Variants in CADM2 observed in about 807,000 individuals in gnomAD.
The protein encoded by CADM2 is immunoglobulin superfamily member 4D.
A neutral mutation model predicts 49.8 loss-of-function variants in CADM2; 12 were observed. That is an observed-to-expected ratio of 0.24 (90% confidence interval 0.15 to 0.39). The LOEUF (loss-of-function observed/expected upper bound fraction) is 0.39. Ranked by LOEUF, CADM2 falls within the 10% of genes least tolerant of loss-of-function variation. The pLI is 1.00. For synonymous variants in CADM2, 214 were observed against 175.4 expected (o/e 1.22, Z -1.74); for missense variants, 378 against 492.3 (o/e 0.77, Z 2.20).
chr3:85,204,582 T>C (rs1317599181), intron 1 of CADM2, among the ~76,000 whole-genome samples: 2 of 152,198 alleles, frequency 1.3e-5, no homozygotes, highest in African/African-American at 4.8e-5. Context: ...TAATGTAATA[T>C]TTTTAAAATC....
chr3:85,400,810 T>A (rs2035068890), intron 1 of CADM2, among the ~76,000 whole-genome samples: 1 of 152,070 alleles, frequency 6.6e-6, no homozygotes, highest in Admixed American at 6.6e-5. Flanking sequence ...GAGCAGTGAG[T>A]CCTTAATGCT....
chr3:85,859,117 C>T (rs1303750160), intron 3 of CADM2, among the ~76,000 whole-genome samples: 1 of 151,396 alleles, frequency 6.6e-6, no homozygotes, highest in Non-Finnish European at 1.5e-5. Context: ...ACGTTATTCA[C>T]AACCCATTAC....
At chr3:85,230,347 T>G (rs2042258680) in intron 1 of CADM2, among the ~76,000 whole-genome samples, 1 of 152,214 alleles carries the variant, frequency 6.6e-6, no homozygotes, top group Admixed American at 6.5e-5. Context: ...TGACACTGTC[T>G]CAGATTATCT....
rs544008501 is a variant in CADM2 at position 85,530,217 on chromosome 3, A to C, written c.62-196305A>C. On this transcript the variant is annotated intron_variant, in intron 1 of 9. Transcript: ENST00000383699. The stretch of plus-strand genomic sequence containing the variant: ...TGCTTGCTCTGAAATACCTGCCGCC[A>C]CATAAGACATGTCTCTTCCTCTACC... 2.0e-5 allele frequency among the ~76,000 whole-genome samples: 3 copies of C among 151,746 alleles called. No homozygotes were observed. In the East Asian group the frequency reaches 5.8e-4, roughly 29 times the overall value.
At chr3:85,545,641 T>C (rs2061652117) in intron 1 of CADM2, among the ~76,000 whole-genome samples, 2 of 152,180 alleles carry the variant, frequency 1.3e-5, no homozygotes, top group African/African-American at 4.8e-5. Flanking sequence ...CTATGAGGTC[T>C]TTTTTCACAT....
At chr3:85,662,551 A>C (rs1403198247) in intron 1 of CADM2, among the ~76,000 whole-genome samples, 1 of 152,012 alleles carries the variant, frequency 6.6e-6, no homozygotes, top group Non-Finnish European at 1.5e-5. Context: ...TTTCCCATGT[A>C]ATCACTCTAC....
At chr3:86,023,861 G>A (rs914003054) in intron 8 of CADM2, among the ~76,000 whole-genome samples, 1 of 152,072 alleles carries the variant, frequency 6.6e-6, no homozygotes, top group African/African-American at 2.4e-5. Flanking sequence ...CTCTGACATG[G>A]ATCAGTATTA....
chr3:85,930,585 C>G (rs1196843525), intron 6 of CADM2, among the ~76,000 whole-genome samples: 1 of 152,026 alleles, frequency 6.6e-6, no homozygotes, highest in African/African-American at 2.4e-5. Context: ...CTTAACCATT[C>G]CTACCTCCCT....
intron 1 of CADM2, among the ~76,000 whole-genome samples, chr3:85,453,985 T>G (rs2037871888): frequency 6.6e-6 from 1 of 152,052 alleles, no homozygotes; most frequent in Non-Finnish European, 1.5e-5. Context: ...ATTAAACATT[T>G]GGGAAAAAAG....
chr3:85,267,399 C>G (rs1002231553), intron 1 of CADM2, among the ~76,000 whole-genome samples: 2 of 151,670 alleles, frequency 1.3e-5, no homozygotes, highest in African/African-American at 4.8e-5. Context: ...TCCATAAAAT[C>G]TCCTCCTTTG....
chr3:85,111,352 A>G (rs2038450138), intron 1 of CADM2, among the ~76,000 whole-genome samples: 1 of 151,802 alleles, frequency 6.6e-6, no homozygotes, highest in African/African-American at 2.4e-5. Flanking sequence ...TCAAGAGGTT[A>G]TATGGTTCAA....
At chr3:85,328,323 C>T (rs2044812251) in intron 1 of CADM2, among the ~76,000 whole-genome samples, 1 of 152,158 alleles carries the variant, frequency 6.6e-6, no homozygotes, top group Admixed American at 6.6e-5. Context: ...TTGTATTTTA[C>T]AGGAAATGTA....
At chr3:85,813,791 A>G (rs895246611) in intron 3 of CADM2, among the ~76,000 whole-genome samples, 6 of 152,184 alleles carry the variant, frequency 3.9e-5, no homozygotes, top group Non-Finnish European at 5.9e-5. Flanking sequence ...TTTATTAAAT[A>G]TGGAATCGTT....
intron 1 of CADM2, among the ~76,000 whole-genome samples, chr3:85,689,366 TAATG>T (rs1180354473): frequency 2.0e-5 from 3 of 151,984 alleles, no homozygotes; most frequent in African/African-American, 7.2e-5. Context: ...AAAGAAAAAA[TAATG>T]AAAAGTTGGG....
intron 1 of CADM2, among the ~76,000 whole-genome samples, chr3:85,011,084 T>A (rs2033970629): frequency 6.6e-6 from 1 of 151,970 alleles, no homozygotes; most frequent in South Asian, 2.1e-4. Context: ...CAGGATGGTC[T>A]GGATCTCCTG....
At chr3:85,462,623 C>A (rs760104116) in intron 1 of CADM2, among the ~76,000 whole-genome samples, 1 of 152,124 alleles carries the variant, frequency 6.6e-6, no homozygotes, top group Non-Finnish European at 1.5e-5. Flanking sequence ...CACAAAAACA[C>A]TAGCATCATA....
intron 1 of CADM2, among the ~76,000 whole-genome samples, chr3:85,632,555 C>A (rs79744558): frequency 2.0e-5 from 3 of 152,158 alleles, no homozygotes; most frequent in Non-Finnish European, 4.4e-5. Flanking sequence ...ATAGCTAATT[C>A]TTTTCAGCAC....
chr3:85,740,027 T>C (rs116085846), intron 2 of CADM2, among the ~76,000 whole-genome samples: 1 of 152,302 alleles, frequency 6.6e-6, no homozygotes, highest in African/African-American at 2.4e-5. Context: ...AGATCTGTTA[T>C]GAGTAACAGT....
chr3:85,585,646 C>G (rs1446593213), intron 1 of CADM2, among the ~76,000 whole-genome samples: 1 of 151,996 alleles, frequency 6.6e-6, no homozygotes, highest in African/African-American at 2.4e-5. Context: ...GGGGGATCTA[C>G]TGTAACAATT....
Sources: allele counts gnomAD v4.1 joint callset (sites outside exome capture counted in the v4.1 genomes callset), GRCh38; gene constraint gnomAD v4.1.1; transcripts MANE v1.5; gene names NCBI Gene and HGNC (gene_info 2026-07-23, HGNC 2026-07-21).